PLA2G12B: variants seen among roughly 807,000 people sequenced by gnomAD.
PLA2G12B encodes phospholipase A2 group XIIB.
PLA2G12B carries 19 observed loss-of-function variants against 22.3 expected under a neutral mutation model. That is an observed-to-expected ratio of 0.85 (90% CI 0.60 to 1.25). The LOEUF is 1.25. PLA2G12B is among the 50% of genes most tolerant of loss of function. The pLI is 0.00. For missense variants in PLA2G12B, 191 were observed against 246.6 expected (o/e 0.77, Z 1.51); for synonymous variants, 81 against 94.9 (o/e 0.85, Z 0.85).
chr10:72,941,730 C>T lies in PLA2G12B; in HGVS notation c.301-396G>A, dbSNP rs143397458. On this transcript the variant is annotated intron_variant, in intron 2 of 3. Coordinates refer to ENST00000373032, the MANE Select transcript of PLA2G12B (RefSeq NM_032562.5). Reference sequence around the variant, plus strand: ...GATTTTGTGTGAGCAAAGGATTCTACGGCTAAGAAGTATAAAAAAAAATTC... The same window carrying T: ...GATTTTGTGTGAGCAAAGGATTCTATGGCTAAGAAGTATAAAAAAAAATTC... Among the ~76,000 whole-genome samples, 44 of 152,144 alleles carry T rather than the reference C, an allele frequency of 2.9e-4. No individual in the cohort carries two copies. The East Asian group carries it at 7.9e-3, about 27-fold the overall frequency.
intron 3 of PLA2G12B, 82 bp from the exon 4 acceptor site, chr10:72,935,820 G>T: frequency 6.8e-7 from 1 of 1,476,732 alleles, no homozygotes; most frequent in African/African-American, 1.4e-5. Flanking sequence ...GATACCCAGA[G>T]GAAAGTAGAG....
chr10:72,941,140 T>G (rs1846353004), intron 3 of PLA2G12B, 29 bp downstream of exon 3: 1 of 1,606,332 alleles, frequency 6.2e-7, no homozygotes. Flanking sequence ...AACCTCCCTG[T>G]GCACTGTACG....
intron 2 of PLA2G12B, 124 bp from the exon 3 acceptor site, chr10:72,941,458 G>A (rs1368588938): frequency 7.9e-6 from 7 of 880,540 alleles, no homozygotes; most frequent in South Asian, 3.3e-5. Flanking sequence ...TGCATATCCC[G>A]ATCAATTCAG....
At chr10:72,942,022 G>A (rs994640922) in intron 2 of PLA2G12B, among the ~76,000 whole-genome samples, 3 of 152,098 alleles carry the variant, frequency 2.0e-5, no homozygotes, top group Non-Finnish European at 2.9e-5. Flanking sequence ...GGTGGCTCAC[G>A]ACTGTAATCC....
rs750962548 is a variant in PLA2G12B at position 72,954,544 on chromosome 10, T to A, written c.142A>T (p.Ser48Cys). Reference sequence around the variant, plus strand: ...AGCTCCAGAAAAGAATCGAAGTAGCTATTGACGGATTCAAAGCTTCCCCGG... The same window carrying A: ...AGCTCCAGAAAAGAATCGAAGTAGCAATTGACGGATTCAAAGCTTCCCCGG... Reference protein sequence around the residue: ...HLRGSFESVNSYFDSFLELLG... With the variant: ...HLRGSFESVNCYFDSFLELLG... Residue 48 changes from serine to cysteine, a missense_variant, in exon 1 of 4, where the codon AGC becomes TGC. By Grantham distance (112) the Ser-to-Cys change is moderately radical (BLOSUM62 -1). Transcript: ENST00000373032. The A allele has an allele frequency of 1.9e-6, 3 of 1,614,198 alleles. No homozygotes were observed. Among genetic ancestry groups the A allele is most frequent in the Non-Finnish European group, 1.7e-6 (2 of 1,180,038 alleles).
At chr10:72,952,221 C>G (rs185865893) in intron 1 of PLA2G12B, among the ~76,000 whole-genome samples, 22 of 152,174 alleles carry the variant, frequency 1.4e-4, no homozygotes. Context: ...TGGCTGGTGC[C>G]GTGGCTCACG....
rs2461917 is a variant in PLA2G12B at position 72,935,529 on chromosome 10, C to T, written c.*88G>A. On this transcript the variant is annotated 3_prime_UTR_variant, in exon 4 of 4. Coordinates refer to ENST00000373032, the MANE Select transcript of PLA2G12B (RefSeq NM_032562.5). ...TGTGGTGTCCAAACTGTTGGAAGAA[C>T]GAATGAGTCACGCTGACTCGAAGAC... 81 of 1,546,544 alleles carry T rather than the reference C, an allele frequency of 5.2e-5. 2 individuals carry two copies. In the African/African-American group the frequency reaches 8.9e-4, roughly 17 times the overall value.
At chr10:72,941,759 C>T (rs959348830) in intron 2 of PLA2G12B, among the ~76,000 whole-genome samples, 1 of 152,024 alleles carries the variant, frequency 6.6e-6, no homozygotes, top group Admixed American at 6.6e-5. Flanking sequence ...AAAATTCAGC[C>T]TCCGTTCATC....
At chr10:72,939,436 A>C (rs376930774) in intron 3 of PLA2G12B, among the ~76,000 whole-genome samples, 111 of 152,272 alleles carry the variant, frequency 7.3e-4, no homozygotes, top group African/African-American at 2.6e-3. Context: ...AATGAGAAAT[A>C]AGCGATCTTT....
intron 1 of PLA2G12B, among the ~76,000 whole-genome samples, chr10:72,947,199 A>G (rs1477829618): frequency 6.6e-6 from 1 of 151,968 alleles, no homozygotes; most frequent in African/African-American, 2.4e-5. Flanking sequence ...TGCTAGAATT[A>G]CAGGCATGAG....
chr10:72,948,976 A>G (rs1482449428), intron 1 of PLA2G12B, among the ~76,000 whole-genome samples: 8 of 152,216 alleles, frequency 5.3e-5, no homozygotes, highest in South Asian at 2.1e-4. Flanking sequence ...CACTGGAAAC[A>G]GCAGTAAAAA....
intron 1 of PLA2G12B, among the ~76,000 whole-genome samples, chr10:72,945,653 GTT>G (rs113655052): frequency 0.025 from 3,605 of 146,710 alleles, 93 homozygotes; most frequent in African/African-American, 0.06. Context: ...CCATTATGAT[GTT>G]TTTTTTTTTT....
intron 1 of PLA2G12B, among the ~76,000 whole-genome samples, chr10:72,942,989 AG>A (rs1446752321): frequency 3.4e-5 from 5 of 147,908 alleles, no homozygotes; most frequent in African/African-American, 1.3e-4. Flanking sequence ...TTTTTGAGAC[AG>A]GGTCCCTCTC....
At chr10:72,946,394 A>G (rs187457982) in intron 1 of PLA2G12B, among the ~76,000 whole-genome samples, 45 of 152,318 alleles carry the variant, frequency 3.0e-4, no homozygotes, top group Admixed American at 9.2e-4. Flanking sequence ...CCTTTTAGCT[A>G]TCATGAATAA....
intron 1 of PLA2G12B, among the ~76,000 whole-genome samples, chr10:72,949,753 G>C (rs1380809618): frequency 6.6e-6 from 1 of 152,258 alleles, no homozygotes; most frequent in Non-Finnish European, 1.5e-5. Flanking sequence ...CCAGCAGGGG[G>C]ATCACCTGAG....
chr10:72,947,105 G>T (rs1279809915), intron 1 of PLA2G12B, among the ~76,000 whole-genome samples: 1 of 151,900 alleles, frequency 6.6e-6, no homozygotes, highest in Non-Finnish European at 1.5e-5. Flanking sequence ...TAAATTTTTT[G>T]ATAGAGATGG....
At chr10:72,944,198 C>T (rs994370884) in intron 1 of PLA2G12B, among the ~76,000 whole-genome samples, 9 of 152,032 alleles carry the variant, frequency 5.9e-5, no homozygotes, top group Non-Finnish European at 8.8e-5. Flanking sequence ...AACAAACAGC[C>T]ATGTACCAAA....
At chr10:72,938,115 GAA>G (rs78360766) in intron 3 of PLA2G12B, among the ~76,000 whole-genome samples, 5 of 59,108 alleles carry the variant, frequency 8.5e-5, no homozygotes, top group Non-Finnish European at 7.1e-5. Flanking sequence ...CTCCATCTCA[GAA>G]AAAAAAAAAA....
intron 1 of PLA2G12B, among the ~76,000 whole-genome samples, chr10:72,946,026 T>C (rs1846435424): frequency 6.6e-6 from 1 of 152,352 alleles, no homozygotes; most frequent in African/African-American, 2.4e-5. Flanking sequence ...ATCATATACA[T>C]TCACTCATTT....
Sources: allele counts gnomAD v4.1 joint callset (sites outside exome capture counted in the v4.1 genomes callset), GRCh38; gene constraint gnomAD v4.1.1; transcripts MANE v1.5; gene names NCBI Gene and HGNC (gene_info 2026-07-23, HGNC 2026-07-21).